PTPRN2: variants seen among roughly 807,000 people sequenced by gnomAD.
PTPRN2 encodes receptor-type tyrosine-protein phosphatase N2.
PTPRN2 carries 74 observed loss-of-function variants against 118.8 expected under a neutral mutation model. The observed-to-expected ratio is 0.62, with a 90% CI of 0.52 to 0.76. The LOEUF (loss-of-function observed/expected upper bound fraction) is 0.76, where lower values mean the gene tolerates loss of function less well. Ranked by LOEUF, PTPRN2 falls within the 30% of genes least tolerant of loss-of-function variation. PTPRN2 has a pLI of 0.00. For synonymous variants in PTPRN2, 641 were observed against 608.0 expected (o/e 1.05, Z -0.80); for missense variants, 1,481 against 1,394.4 (o/e 1.06, Z -0.99).
chr7:157,738,745 C>T (rs1800454039), intron 12 of PTPRN2, among the ~76,000 whole-genome samples: 1 of 152,100 alleles, frequency 6.6e-6, no homozygotes, highest in African/African-American at 2.4e-5. Flanking sequence ...TATTTCAGAG[C>T]TCCGTGCTGT....
intron 2 of PTPRN2, among the ~76,000 whole-genome samples, chr7:158,451,310 T>C (rs1463277778): frequency 6.6e-6 from 1 of 152,212 alleles, no homozygotes; most frequent in Non-Finnish European, 1.5e-5. Flanking sequence ...TTTTAATTAA[T>C]TCTCTTTACG....
Position 158,252,651 on chromosome 7 carries a change from G to A in PTPRN2, c.278-47378C>T, listed in dbSNP as rs903243463. Among the ~76,000 whole-genome samples, 10 of 152,236 alleles carry A rather than the reference G, an allele frequency of 6.6e-5. No individual in the cohort carries two copies. In the East Asian group the frequency reaches 1.5e-3, roughly 24 times the overall value. Reference sequence around the variant, plus strand: ...ACCTGGCTTTCAGGGAAGCCACCACGCCAGCTGCACAGACGCGTGACAGGC... The same window carrying A: ...ACCTGGCTTTCAGGGAAGCCACCACACCAGCTGCACAGACGCGTGACAGGC... On this transcript the variant is annotated intron_variant, in intron 3 of 22. Transcript: ENST00000389418.
At position 158,525,795 on chromosome 7, in the gene PTPRN2, T is replaced by G. The variant is rs1824731895; in HGVS notation, c.113-36010A>C. Among the ~76,000 whole-genome samples, 1 of 152,088 alleles carries G rather than the reference T, an allele frequency of 6.6e-6. No individual in the cohort carries two copies. The highest frequency in any genetic ancestry group is 1.5e-5 in the Non-Finnish European group (1 of 68,026). ...CCACGGCACCTGCTCCACAGCCACC[T>G]CTCTCTGCTGTGCTCACACAGTGTG... On this transcript the variant is annotated intron_variant, in intron 1 of 22. Coordinates refer to ENST00000389418, the MANE Select transcript of PTPRN2 (RefSeq NM_002847.5). This position sits in a 1 kb window ranked among gnomAD's most constrained non-coding sequence, Gnocchi z 4.1.
chr7:157,656,541 C>T lies in PTPRN2; in HGVS notation c.2012G>A (p.Arg671His), dbSNP rs760232329. ...TGGTGGCCGCGTGGCCATACGCTGGCGGCACAGCTCCTGCAGGACAGGGGG... is the reference window on the plus strand; with the variant it reads ...TGGTGGCCGCGTGGCCATACGCTGGTGGCACAGCTCCTGCAGGACAGGGGG... ...DATAAYQELCRQRMATRPPDR... is the reference protein window; with the variant it reads ...DATAAYQELCHQRMATRPPDR... Residue 671 changes from arginine to histidine, a missense_variant, in exon 14 of 23, where the codon CGC becomes CAC. Around this residue, in one of 3 missense-constraint regions of PTPRN2, gnomAD observed 1,115 missense variants for 994.2 expected, o/e 1.12. Coordinates refer to ENST00000389418, the MANE Select transcript of PTPRN2 (RefSeq NM_002847.5). 2.0e-5 allele frequency: 31 copies of T among 1,540,498 alleles called. No individual in the cohort carries two copies. Among genetic ancestry groups the T allele is most frequent in the Non-Finnish European group, 2.5e-5 (29 of 1,148,674 alleles).
chr7:158,152,917 C>T (rs139083506), intron 6 of PTPRN2, among the ~76,000 whole-genome samples: 1,650 of 133,210 alleles, frequency 0.012, 150 homozygotes, highest in African/African-American at 0.044. Context: ...AGCAGGCCAC[C>T]GACTGATGGG....
At chr7:157,752,609 C>T (rs939702303) in intron 12 of PTPRN2, among the ~76,000 whole-genome samples, 40 of 152,270 alleles carry the variant, frequency 2.6e-4, no homozygotes, top group African/African-American at 9.6e-4. Flanking sequence ...ATCTGATCCT[C>T]TCCCCAGCCA....
chr7:157,544,109 G>GTGGAGAGAGA (rs1213131870), intron 22 of PTPRN2, among the ~76,000 whole-genome samples: 3 of 150,216 alleles, frequency 2.0e-5, no homozygotes, highest in African/African-American at 4.9e-5. Flanking sequence ...GCGGAGAGAG[G>GTGGAGAGAGA]TGGAGAGAGA....
chr7:158,108,184 A>G (rs531984758), intron 10 of PTPRN2, among the ~76,000 whole-genome samples: 1 of 149,042 alleles, frequency 6.7e-6, no homozygotes, highest in Non-Finnish European at 1.5e-5. Context: ...CCTGCCAATT[A>G]AAGCCCCATG....
chr7:157,914,921 A>C (rs528459359), intron 11 of PTPRN2, among the ~76,000 whole-genome samples: 4 of 152,078 alleles, frequency 2.6e-5, no homozygotes, highest in African/African-American at 7.2e-5. Flanking sequence ...TCTCTCTTCA[A>C]CTATATCTAA....
intron 1 of PTPRN2, among the ~76,000 whole-genome samples, chr7:158,534,262 G>C (rs1460123320): frequency 4.2e-5 from 6 of 141,752 alleles, no homozygotes; most frequent in African/African-American, 7.9e-5. Context: ...GACCACCCAC[G>C]CCCCGGGCTC....
intron 12 of PTPRN2, among the ~76,000 whole-genome samples, chr7:157,885,309 G>A (rs1054175087): frequency 6.6e-6 from 1 of 152,162 alleles, no homozygotes; most frequent in Non-Finnish European, 1.5e-5. Context: ...CCTGCAGCAC[G>A]TTCCTCCACT....
At chr7:157,706,860 C>T (rs1013406641) in intron 12 of PTPRN2, among the ~76,000 whole-genome samples, 6 of 150,346 alleles carry the variant, frequency 4.0e-5, no homozygotes, top group East Asian at 2.0e-4. Flanking sequence ...AGCAAATGAG[C>T]GAATCTGACC....
chr7:158,372,627 G>A (rs9691289), intron 2 of PTPRN2, among the ~76,000 whole-genome samples: 97,245 of 149,684 alleles, frequency 0.65, 31,926 homozygotes, highest in East Asian at 0.82. Flanking sequence ...GCTGGTCCCC[G>A]GAGCTGGTCC....
intron 11 of PTPRN2, among the ~76,000 whole-genome samples, chr7:158,070,935 G>GA (rs1811331375): frequency 1.6e-5 from 1 of 62,918 alleles, no homozygotes; most frequent in African/African-American, 7.6e-5. Flanking sequence ...GGTGCTCCTG[G>GA]TGGTGGAGGT....
intron 12 of PTPRN2, among the ~76,000 whole-genome samples, chr7:157,777,036 C>T (rs560807096): frequency 3.3e-5 from 5 of 150,830 alleles, no homozygotes; most frequent in African/African-American, 1.2e-4. Context: ...CTCCTCCTCC[C>T]TACCTCTCCA....
Position 157,787,625 on chromosome 7 carries a change from G to A in PTPRN2, c.1789-104688C>T, listed in dbSNP as rs1804151247. On this transcript the variant is annotated intron_variant, in intron 12 of 22. Transcript: ENST00000389418. This position sits in a 1 kb window ranked among gnomAD's most constrained non-coding sequence, Gnocchi z 5.3. ...AGAGTGGCCGTGACCTGGAGGACAA[G>A]GACATGCATTTCACACTGACCGGGG... Among the ~76,000 whole-genome samples, 1 of 152,132 alleles carries A rather than the reference G, an allele frequency of 6.6e-6. No homozygotes were observed. The highest frequency in any genetic ancestry group is 2.4e-5 in the African/African-American group (1 of 41,424).
chr7:158,569,917 C>G (rs936826547), intron 1 of PTPRN2, among the ~76,000 whole-genome samples: 2 of 152,052 alleles, frequency 1.3e-5, no homozygotes, highest in Admixed American at 6.5e-5. Flanking sequence ...GGCCGCCTGA[C>G]AGGAGCGCGG....
intron 12 of PTPRN2, among the ~76,000 whole-genome samples, chr7:157,773,632 C>G (rs1282495319): frequency 6.6e-6 from 1 of 152,230 alleles, no homozygotes; most frequent in Non-Finnish European, 1.5e-5. Flanking sequence ...AGCCCAGGGC[C>G]CTCTCACCCA....
In PTPRN2 at chr7:158,389,723, C is replaced by T. The variant is rs143418312; in HGVS notation, c.164-72791G>A. On this transcript the variant is annotated intron_variant, in intron 2 of 22. Coordinates refer to ENST00000389418, the MANE Select transcript of PTPRN2 (RefSeq NM_002847.5). Reference sequence around the variant, plus strand: ...GAACACGGATGACAACACAGATGCACGGATAAATCATCACGCGTCGCATTC... The same window carrying T: ...GAACACGGATGACAACACAGATGCATGGATAAATCATCACGCGTCGCATTC... 2.3e-3 allele frequency among the ~76,000 whole-genome samples: 343 copies of T among 152,360 alleles called. 10 individuals carry two copies. The highest frequency in any genetic ancestry group is 3.1e-3 in the East Asian group (16 of 5,186).
Sources: gnomAD v4.1 joint callset for allele counts (sites outside exome capture counted in the v4.1 genomes callset) on GRCh38, gnomAD v4.1.1 for gene constraint, gnomAD v4.1.1 regional missense constraint, Gnocchi (gnomAD v3.1) non-coding constraint, MANE v1.5 for transcripts, NCBI Gene and HGNC (gene_info 2026-07-23, HGNC 2026-07-21) for gene names.